The following TRAK1 variants were observed in gnomAD, a reference collection of about 807,000 sequenced individuals.
The protein encoded by TRAK1 is trafficking kinesin-binding protein 1.
TRAK1 carries 33 observed loss-of-function variants against 92.1 expected under a neutral mutation model. That is an observed-to-expected ratio of 0.36 (90% CI 0.27 to 0.48). TRAK1 has a LOEUF of 0.48. TRAK1 is among the 20% of genes least tolerant of loss of function. The pLI is 0.99. For synonymous variants in TRAK1, 521 were observed against 517.3 expected, an observed-to-expected ratio of 1.01 and a Z score of -0.10; for missense variants, 1,123 against 1,257.9, an observed-to-expected ratio of 0.89 and a Z score of 1.62.
At chr3:42,077,156 G>GT (rs1704199338) in intron 1 of TRAK1, among the ~76,000 whole-genome samples, 2 of 152,134 alleles carry the variant, frequency 1.3e-5, no homozygotes, top group South Asian at 4.1e-4. Context: ...TTTTAGAATA[G>GT]TTTTTTTCTA....
rs1706217521 is a variant in TRAK1, at chr3:42,098,148, C to T, written c.91+6588C>T. Among the ~76,000 whole-genome samples, 3 of 152,040 alleles carry T rather than the reference C, an allele frequency of 2.0e-5. No individual in the cohort carries two copies. In the South Asian group the frequency reaches 6.2e-4, roughly 32 times the overall value. On this transcript the variant is annotated intron_variant, in intron 1 of 15. Coordinates refer to ENST00000327628, the MANE Select transcript of TRAK1 (RefSeq NM_001042646.3). ...CCCTTGCTGTCTCCTTTCTTCTCTTCCTCCATCCCCACTCCCCTCCTTTCT... is the reference window on the plus strand; with the variant it reads ...CCCTTGCTGTCTCCTTTCTTCTCTTTCTCCATCCCCACTCCCCTCCTTTCT...
In TRAK1 at chr3:42,091,497, C is replaced by T; in HGVS notation, c.28C>T (p.Pro10Ser). 1 of 1,613,590 alleles carries T rather than the reference C, an allele frequency of 6.2e-7. No individual in the cohort carries two copies. The highest frequency in any genetic ancestry group is 8.5e-7 in the Non-Finnish European group (1 of 1,179,842). MALVFQFGQPVRAQPLPGLC... is the reference protein window; with the variant it reads MALVFQFGQSVRAQPLPGLC... Reference sequence around the variant, plus strand: ...GGCATTGGTTTTTCAATTCGGGCAGCCCGTCAGGGCTCAGCCTCTGCCAGG... The same window carrying T: ...GGCATTGGTTTTTCAATTCGGGCAGTCCGTCAGGGCTCAGCCTCTGCCAGG... The change falls in exon 1 of 16, where the codon CCC becomes TCC. Residue 10 changes from proline to serine, a missense_variant. Physicochemically the swap from Pro to Ser is moderately conservative, Grantham distance 74. Around this residue, in one of 3 missense-constraint regions of TRAK1, gnomAD observed 686 missense variants for 747.6 expected, o/e 0.92. Coordinates refer to ENST00000327628, the MANE Select transcript of TRAK1 (RefSeq NM_001042646.3).
intron 1 of TRAK1, among the ~76,000 whole-genome samples, chr3:42,093,991 G>A (rs1022228102): frequency 1.3e-5 from 2 of 151,854 alleles, no homozygotes; most frequent in Non-Finnish European, 1.5e-5. Flanking sequence ...GGCGTGAGCC[G>A]CCGTGCCTGG....
At chr3:42,057,728 G>C (rs74912340) in intron 1 of TRAK1, among the ~76,000 whole-genome samples, 1 of 152,060 alleles carries the variant, frequency 6.6e-6, no homozygotes, top group African/African-American at 2.4e-5. Flanking sequence ...GGGAGCAGAC[G>C]AACTTAGATT....
At position 42,065,224 on chromosome 3, in the gene TRAK1, C is replaced by A. The variant is rs147597717; in HGVS notation, c.-518-21880C>A. The stretch of plus-strand genomic sequence containing the variant: ...CCAAGATTGTGCCACCGCACTCCAT[C>A]CTGGGCCACAGAGCGAGACTCCCAT... On this transcript the variant is annotated intron_variant, in intron 1 of 16. Coordinates refer to the TRAK1 transcript ENST00000487159. 1.9e-4 allele frequency among the ~76,000 whole-genome samples: 29 copies of A among 152,260 alleles called. No individual in the cohort carries two copies. The East Asian group carries it at 5.4e-3, about 28-fold the overall frequency.
chr3:42,188,924 T>C, intron 5 of TRAK1, 92 bp from the exon 6 acceptor site: 1 of 896,454 alleles, frequency 1.1e-6, no homozygotes, highest in South Asian at 1.5e-5. Context: ...TCATTGTCCT[T>C]CCTGCAAGCC....
intron 2 of TRAK1, among the ~76,000 whole-genome samples, chr3:42,167,273 A>G (rs943439040): frequency 2.0e-5 from 3 of 152,084 alleles, no homozygotes; most frequent in Admixed American, 6.5e-5. Flanking sequence ...AGTAGAACAG[A>G]GTTTTGTTTT....
At chr3:42,123,463 G>A (rs1710165011) in intron 1 of TRAK1, among the ~76,000 whole-genome samples, 1 of 152,206 alleles carries the variant, frequency 6.6e-6, no homozygotes, top group Admixed American at 6.5e-5. Context: ...GGCCCTTCCT[G>A]CTTCCTGTGA....
At chr3:42,102,226 T>G (rs1270950753) in intron 1 of TRAK1, among the ~76,000 whole-genome samples, 1 of 152,238 alleles carries the variant, frequency 6.6e-6, no homozygotes, top group Non-Finnish European at 1.5e-5. Context: ...CCTCCAGTGA[T>G]CCGCCTGCCT....
At chr3:42,102,731 C>T (rs1237976619) in intron 1 of TRAK1, among the ~76,000 whole-genome samples, 1 of 152,178 alleles carries the variant, frequency 6.6e-6, no homozygotes, top group Non-Finnish European at 1.5e-5. Flanking sequence ...AGCCATTCCA[C>T]ATTGATTTAT....
intron 14 of TRAK1, chr3:42,211,929 A>G (rs192969944): frequency 1.0e-6 from 1 of 985,378 alleles, no homozygotes; most frequent in African/African-American, 1.7e-5. Context: ...AGAATTACCT[A>G]GGTTGCCAAA....
At chr3:42,030,287 A>G (rs1414602735) in intron 1 of TRAK1, among the ~76,000 whole-genome samples, 1 of 151,272 alleles carries the variant, frequency 6.6e-6, no homozygotes, top group Non-Finnish European at 1.5e-5. Context: ...TTTTGAGCTC[A>G]GGAGCGCAAG....
intron 1 of TRAK1, chr3:42,051,034 A>G (rs1049788822): frequency 6.6e-6 from 1 of 152,112 alleles, no homozygotes; most frequent in African/African-American, 2.4e-5. Flanking sequence ...AAAAATTTTA[A>G]ATTTTATTAT....
chr3:42,165,270 C>T (rs748245214), intron 2 of TRAK1, among the ~76,000 whole-genome samples: 1 of 152,050 alleles, frequency 6.6e-6, no homozygotes, highest in Non-Finnish European at 1.5e-5. Context: ...TGGGCAGAGT[C>T]AGTCTTCTGC....
Position 42,210,505 on chromosome 3 carries a change from C to G in TRAK1, c.1963+520C>G, listed in dbSNP as rs1400390159. On this transcript the variant is annotated intron_variant, in intron 14 of 15. Transcript: ENST00000327628. ...TCCCTGAGTCTAAGGGGAAGATTCT[C>G]AAGTCCCCTGGTGATTTCCAAGTGG... The G allele has an allele frequency of 3.3e-6, 4 of 1,195,520 alleles. No individual in the cohort carries two copies. The South Asian group carries it at 1.5e-4, about 45-fold the overall frequency. The allele number at this position is 1,195,520 out of a possible 1,614,324, so 74.1% of individuals were successfully genotyped here. A position where few individuals can be genotyped will look rare whatever the true frequency, so the allele number is the denominator to read the frequency against.
At chr3:42,037,619 T>G (rs9847688) in intron 1 of TRAK1, among the ~76,000 whole-genome samples, 67,234 of 152,158 alleles carry the variant, frequency 0.44, 19,403 homozygotes, top group African/African-American at 0.83. Flanking sequence ...TGTTCTCAGA[T>G]GACTAACATA....
intron 14 of TRAK1, among the ~76,000 whole-genome samples, chr3:42,216,690 G>C (rs959937676): frequency 1.3e-5 from 2 of 152,202 alleles, no homozygotes; most frequent in Non-Finnish European, 2.9e-5. Flanking sequence ...ACCAGTGTCA[G>C]AATCTGGGGG....
intron 1 of TRAK1, among the ~76,000 whole-genome samples, chr3:42,071,391 C>T (rs2148937996): frequency 6.6e-6 from 1 of 152,168 alleles, no homozygotes; most frequent in East Asian, 1.9e-4. Flanking sequence ...GGCATGAGGC[C>T]CCAGGTGCTT....
intron 1 of TRAK1, among the ~76,000 whole-genome samples, chr3:42,053,971 A>G (rs949999703): frequency 6.6e-6 from 1 of 152,066 alleles, no homozygotes; most frequent in African/African-American, 2.4e-5. Flanking sequence ...GAATTTCTCT[A>G]AACACTCTGA....
Sources: gnomAD v4.1 joint callset for allele counts (sites outside exome capture counted in the v4.1 genomes callset) on GRCh38, gnomAD v4.1.1 for gene constraint, gnomAD v4.1.1 regional missense constraint, MANE v1.5 for transcripts, NCBI Gene and HGNC (gene_info 2026-07-23, HGNC 2026-07-21) for gene names.